L3MBTL2: variants seen among roughly 807,000 people sequenced by gnomAD.
L3MBTL2 encodes the protein L3MBTL histone methyl-lysine binding protein 2, also known as lethal(3)malignant brain tumor-like protein 2.
Under a neutral mutation model 86.4 loss-of-function variants are expected in L3MBTL2, and 49 were observed. The observed-to-expected ratio is 0.57, with a 90% CI of 0.45 to 0.72. The LOEUF (loss-of-function observed/expected upper bound fraction) is 0.72, where lower values mean the gene tolerates loss of function less well. L3MBTL2 is among the 30% of genes least tolerant of loss of function. The pLI is 0.00. For synonymous variants in L3MBTL2, 336 were observed against 350.6 expected, an observed-to-expected ratio of 0.96 and a Z score of 0.47; for missense variants, 755 against 923.7, an observed-to-expected ratio of 0.82 and a Z score of 2.37.
At position 41,227,930 on chromosome 22, in the gene L3MBTL2, C is replaced by T; in HGVS notation, c.1888+61C>T. On this transcript the variant is annotated intron_variant, in intron 15 of 16. Coordinates refer to ENST00000216237, the MANE Select transcript of L3MBTL2 (RefSeq NM_031488.5). This position sits in a 1 kb window ranked among gnomAD's most constrained non-coding sequence, Gnocchi z 6.0. ...GCCTGGGAGCAGTGGGCCTGCGTCC[C>T]TGGGAGCAGGCGGGGGTCAGCCCCC... 1.3e-6 allele frequency: 2 copies of T among 1,589,636 alleles called. No individual in the cohort carries two copies. Among genetic ancestry groups the T allele is most frequent in the South Asian group, 1.1e-5 (1 of 88,526 alleles).
At chr22:41,215,185 G>A (rs570914698) in intron 3 of L3MBTL2, among the ~76,000 whole-genome samples, 8 of 152,058 alleles carry the variant, frequency 5.3e-5, no homozygotes, top group Non-Finnish European at 1.2e-4. Context: ...TTCATACACT[G>A]TCGCCTTTGT....
At chr22:41,216,116 A>G (rs1442675151) in intron 3 of L3MBTL2, 23 bp from the exon 4 acceptor site, 10 of 1,604,032 alleles carry the variant, frequency 6.2e-6, no homozygotes, top group Non-Finnish European at 8.5e-6. Context: ...CAGGCTACAC[A>G]TAGCCTCTGT....
In L3MBTL2 at chr22:41,224,302, C is replaced by G; in HGVS notation, c.1174+51C>G. On this transcript the variant is annotated intron_variant, in intron 9 of 16. Transcript: ENST00000216237. This position sits in a 1 kb window ranked among gnomAD's most constrained non-coding sequence, Gnocchi z 4.9. ...ACTGCATGCTGTGCTTCCCCAGGGA[C>G]GGAGTGGGAGCACCTTCCTACTCGT... The G allele has an allele frequency of 6.8e-7, 1 of 1,472,826 alleles. No individual in the cohort carries two copies. Among genetic ancestry groups the G allele is most frequent in the African/African-American group, 1.4e-5 (1 of 72,304 alleles). 91.2% of individuals were successfully genotyped at this position (1,472,826 alleles called of 1,614,324 possible). A position where few individuals can be genotyped will look rare whatever the true frequency, so the allele number is the denominator to read the frequency against.
At position 41,230,369 on chromosome 22, in the gene L3MBTL2, C is replaced by G; in HGVS notation, c.*118C>G. On this transcript the variant is annotated 3_prime_UTR_variant, in exon 17 of 17. Transcript: ENST00000216237. ...ACTGATCCTCTCTGTGTAAATTCTG[C>G]CCGGTGCTGTGAAGGCTGGACGGTG... 1 of 765,566 alleles carries G rather than the reference C, an allele frequency of 1.3e-6. No homozygotes were observed. Among genetic ancestry groups the G allele is most frequent in the Non-Finnish European group, 2.2e-6 (1 of 453,388 alleles). 47.4% of individuals were successfully genotyped at this position (765,566 alleles called of 1,614,324 possible).
Position 41,227,738 on chromosome 22 carries a change from G to A in L3MBTL2, c.1823-66G>A, listed in dbSNP as rs374867539. The stretch of plus-strand genomic sequence containing the variant: ...GAGGGTGGATGGGGTCTCGGGATGC[G>A]CCTGTGCCCTGTGTCCTCCCAGGGA... On this transcript the variant is annotated intron_variant, in intron 14 of 16. Transcript: ENST00000216237. The surrounding 1 kb of genome is among the most constrained non-coding windows in gnomAD (Gnocchi z 6.0). 139 of 1,610,150 alleles carry A rather than the reference G, an allele frequency of 8.6e-5. No homozygotes were observed. The highest frequency in any genetic ancestry group is 1.1e-4 in the Non-Finnish European group (133 of 1,177,756).
At chr22:41,215,368 T>A (rs749714581) in intron 3 of L3MBTL2, among the ~76,000 whole-genome samples, 8 of 152,330 alleles carry the variant, frequency 5.3e-5, no homozygotes, top group Non-Finnish European at 1.0e-4. Flanking sequence ...ATTTGATTTT[T>A]AAAAAAATTC....
intron 15 of L3MBTL2, chr22:41,228,265 C>T: frequency 1.0e-6 from 1 of 985,048 alleles, no homozygotes; most frequent in Non-Finnish European, 1.2e-6. Flanking sequence ...CCAAGGCTGT[C>T]ATTCTTACCT....
chr22:41,210,148 T>C (rs996123870), intron 2 of L3MBTL2: 22 of 425,896 alleles, frequency 5.2e-5, no homozygotes, highest in Middle Eastern at 6.4e-4. Context: ...AATTTCTTTT[T>C]TTTTTTTTTT....
At position 41,209,903 on chromosome 22, in the gene L3MBTL2, C is replaced by T. The variant is rs757658552; in HGVS notation, c.232C>T (p.Arg78Cys). 3.7e-5 allele frequency: 59 copies of T among 1,613,812 alleles called. No homozygotes were observed. Among genetic ancestry groups the T allele is most frequent in the East Asian group, 2.7e-4 (12 of 44,892 alleles). Residue 78 changes from arginine to cysteine, a missense_variant, in exon 2 of 17, where the codon CGC (arginine) becomes TGC (cysteine). Physicochemically the swap from Arg to Cys is radical, Grantham distance 180. Coordinates refer to ENST00000216237, the MANE Select transcript of L3MBTL2 (RefSeq NM_031488.5). ...PLHLLSPGTP[R>C]SLDGSGSEPA... Reference sequence around the variant, plus strand: ...GCATTTGCTCAGCCCTGGGACTCCTCGCTCCTTGGATGGCAGTGGTTCTGA... The same window carrying T: ...GCATTTGCTCAGCCCTGGGACTCCTTGCTCCTTGGATGGCAGTGGTTCTGA...
chr22:41,221,331 C>G, intron 8 of L3MBTL2, 44 bp downstream of exon 8: 1 of 1,470,984 alleles, frequency 6.8e-7, no homozygotes. Context: ...TCCGCTCTTC[C>G]ATTTTTCTGC....
At chr22:41,226,819 C>T in intron 13 of L3MBTL2, 75 bp downstream of exon 13, 1 of 1,082,316 alleles carries the variant, frequency 9.2e-7, no homozygotes, top group Non-Finnish European at 1.4e-6. Flanking sequence ...TCAGTGGTGG[C>T]AGTTCCTACT....
At position 41,224,405 on chromosome 22, in the gene L3MBTL2, T is replaced by A. The variant is rs1293098681; in HGVS notation, c.1174+154T>A. 6.6e-6 allele frequency among the ~76,000 whole-genome samples: 1 copy of A among 152,158 alleles called. No individual in the cohort carries two copies. The highest frequency in any genetic ancestry group is 1.5e-5 in the Non-Finnish European group (1 of 68,016). ...TGAGCTCCAGAGAGCTTGAGTAACT[T>A]GACAAAAGTCACTCCACTCAACTTG... On this transcript the variant is annotated intron_variant, in intron 9 of 16. Coordinates refer to ENST00000216237, the MANE Select transcript of L3MBTL2 (RefSeq NM_031488.5). This position sits in a 1 kb window ranked among gnomAD's most constrained non-coding sequence, Gnocchi z 4.9.
In L3MBTL2 at chr22:41,219,442, G is replaced by C; in HGVS notation, c.624G>C (p.Glu208Asp). ...AGGTCCCACTCTATGACCAGTGGGAGGATGTGATGAAAGGGATGAAGGTGG... is the reference window on the plus strand; with the variant it reads ...AGGTCCCACTCTATGACCAGTGGGACGATGTGATGAAAGGGATGAAGGTGG... Reference protein sequence around the residue: ...FKHVPLYDQWEDVMKGMKVEV... With the variant: ...FKHVPLYDQWDDVMKGMKVEV... The change falls in exon 6 of 17, where the codon GAG (glutamate) becomes GAC (aspartate). Residue 208 changes from glutamate to aspartate, a missense_variant. Glu to Asp is a conservative substitution (Grantham distance 45, BLOSUM62 2). Coordinates refer to ENST00000216237, the MANE Select transcript of L3MBTL2 (RefSeq NM_031488.5). The C allele has an allele frequency of 6.2e-7, 1 of 1,613,598 alleles. No homozygotes were observed. The highest frequency in any genetic ancestry group is 8.5e-7 in the Non-Finnish European group (1 of 1,179,578).
At chr22:41,207,236 C>CTTTTTT (rs753351369) in intron 1 of L3MBTL2, among the ~76,000 whole-genome samples, 3 of 120,502 alleles carry the variant, frequency 2.5e-5, no homozygotes, top group East Asian at 2.5e-4. Flanking sequence ...CCCCCAAATC[C>CTTTTTT]TTTTTTTTTT....
chr22:41,212,219 C>T (rs990867972), intron 2 of L3MBTL2, among the ~76,000 whole-genome samples: 3 of 152,024 alleles, frequency 2.0e-5, no homozygotes, highest in Non-Finnish European at 4.4e-5. Context: ...TTATCTTTCT[C>T]CCTTCTATCC....
In L3MBTL2 at chr22:41,221,244, G is replaced by A. The variant is rs774935410; in HGVS notation, c.899G>A (p.Arg300Gln). Reference protein sequence around the residue: ...FTDWKGYLMKRLVGSRTLPVD... With the variant: ...FTDWKGYLMKQLVGSRTLPVD... The stretch of plus-strand genomic sequence containing the variant: ...GACTGGAAGGGCTACCTCATGAAAC[G>A]GCTGGTGGGCTCCAGGACGCTTCCC... The change falls in exon 8 of 17, where the codon CGG becomes CAG. Residue 300 changes from arginine to glutamine, a missense_variant. Around this residue, in one of 3 missense-constraint regions of L3MBTL2, gnomAD observed 634 missense variants for 748.9 expected, o/e 0.85. Transcript: ENST00000216237. 2.1e-5 allele frequency: 32 copies of A among 1,551,370 alleles called. No homozygotes were observed. Among genetic ancestry groups the A allele is most frequent in the East Asian group, 1.7e-4 (7 of 40,926 alleles).
intron 4 of L3MBTL2, 115 bp downstream of exon 4, chr22:41,216,377 C>G: frequency 1.5e-6 from 2 of 1,317,096 alleles, no homozygotes; most frequent in Non-Finnish European, 2.1e-6. Flanking sequence ...AGAAAGTGCC[C>G]TAAGTCAGGG....
At chr22:41,212,399 T>TC (rs2030949732) in intron 2 of L3MBTL2, among the ~76,000 whole-genome samples, 1 of 68,042 alleles carries the variant, frequency 1.5e-5, no homozygotes, top group African/African-American at 1.1e-4. Context: ...GTTCAGGCTT[T>TC]TTTTTTTTTT....
rs556087379 is a variant in L3MBTL2, at chr22:41,210,851, G to C, written c.262+918G>C. Among the ~76,000 whole-genome samples the C allele has an allele frequency of 3.3e-5, 5 of 152,208 alleles. No individual in the cohort carries two copies. The East Asian group carries it at 7.7e-4, about 23-fold the overall frequency. Reference sequence around the variant, plus strand: ...AGATTAGATGCCACTGAGTAGCATGGTGCTGCTTTTTTGTATAAGTATACC... The same window carrying C: ...AGATTAGATGCCACTGAGTAGCATGCTGCTGCTTTTTTGTATAAGTATACC... On this transcript the variant is annotated intron_variant, in intron 2 of 16. Coordinates refer to ENST00000216237, the MANE Select transcript of L3MBTL2 (RefSeq NM_031488.5).
Sources: allele counts gnomAD v4.1 joint callset (sites outside exome capture counted in the v4.1 genomes callset), GRCh38; gene constraint gnomAD v4.1.1; regional missense constraint gnomAD v4.1.1; non-coding constraint Gnocchi (gnomAD v3.1); transcripts MANE v1.5; gene names NCBI Gene and HGNC (gene_info 2026-07-23, HGNC 2026-07-21).